The following DGKQ variants were observed in gnomAD, a reference collection of about 807,000 sequenced individuals.
DGKQ encodes DAG kinase theta.
A neutral mutation model predicts 104.2 loss-of-function variants in DGKQ; 97 were observed. The ratio of observed to expected loss-of-function variants is 0.93; its 90% CI spans 0.79 to 1.10. DGKQ has a LOEUF of 1.10. Among genes scored for constraint, DGKQ ranks in the 50% least tolerant of loss-of-function variants. The pLI is 0.00. For missense variants in DGKQ, 1,465 were observed against 1,352.1 expected, an observed-to-expected ratio of 1.08 and a Z score of -1.31; for synonymous variants, 736 against 595.2, an observed-to-expected ratio of 1.24 and a Z score of -3.44.
chr4:966,305 C>A, intron 12 of DGKQ, 161 bp downstream of exon 12: 1 of 883,622 alleles, frequency 1.1e-6, no homozygotes, highest in South Asian at 1.7e-5. Flanking sequence ...GGCCTCCCTG[C>A]AGGGACCAAG....
At chr4:964,784 G>A (rs1013644324) in intron 15 of DGKQ, among the ~76,000 whole-genome samples, 19 of 152,168 alleles carry the variant, frequency 1.2e-4, no homozygotes, top group Admixed American at 2.6e-4. Context: ...TCACAAACAC[G>A]CTCTGGCCCT....
rs143904192 is a variant in DGKQ, at chr4:965,980, G to A, written c.1527C>T (p.Gly509=). ...GGCTGCTGTACTCCTCGGGAGACAG[G>A]CCGGGAGGCAGGCCGCCAACAAACA... ...VSLFVGGLPP[G]LSPEEYSSLL... The change falls in exon 13 of 23, where the codon GGC becomes GGT. Residue 509 remains glycine, a synonymous_variant. Transcript: ENST00000273814. The A allele has an allele frequency of 1.6e-5, 26 of 1,605,556 alleles. No homozygotes were observed. The highest frequency in any genetic ancestry group is 2.0e-5 in the Non-Finnish European group (23 of 1,176,908).
At chr4:966,266 C>T (rs1408854072) in intron 12 of DGKQ, 188 bp from the exon 13 acceptor site, 9 of 833,284 alleles carry the variant, frequency 1.1e-5, no homozygotes, top group Non-Finnish European at 1.3e-5. Context: ...CCGTTCCCCT[C>T]GAGGACCTCG....
Position 968,356 on chromosome 4 carries a change from AGCGCGCTCCCGAGGGCAGGTTCCCCTCCC to A in DGKQ, c.560_588del (p.Arg187LeufsTer12), listed in dbSNP as rs1354500252. 4 of 1,476,096 alleles carry A rather than the reference AGCGCGCTCCCGAGGGCAGGTTCCCCTCCC, an allele frequency of 2.7e-6. No homozygotes were observed. Among genetic ancestry groups the A allele is most frequent in the Non-Finnish European group, 2.7e-6 (3 of 1,111,818 alleles). The allele number at this position is 1,476,096 out of a possible 1,614,324, so 91.4% of individuals were successfully genotyped here. ...CCGCACGTCTTCCTGCAGACCTCGC[AGCGCGCTCCCGAGGGCAGGTTCCCCTCCC>A]GCCAGTGGTGGTGATGGGTGTCCTG... On this transcript the variant is annotated frameshift_variant, in exon 5 of 23. Coordinates refer to ENST00000273814, the MANE Select transcript of DGKQ (RefSeq NM_001347.4). LOFTEE classifies it high-confidence loss of function.
In DGKQ at chr4:961,084, G is replaced by A. The variant is rs759964942; in HGVS notation, c.2692C>T (p.Pro898Ser). The A allele has an allele frequency of 4.3e-6, 7 of 1,612,196 alleles. No individual in the cohort carries two copies. Among genetic ancestry groups the A allele is most frequent in the Non-Finnish European group, 5.1e-6 (6 of 1,179,660 alleles). The change falls in exon 22 of 23, where the codon CCG becomes TCG. Residue 898 changes from proline to serine, a missense_variant. Transcript: ENST00000273814. ...QVDGEPWVQAPGHMIISAAGP... is the reference protein window; with the variant it reads ...QVDGEPWVQASGHMIISAAGP... ...GCAGCTGAGATGATCATGTGCCCCG[G>A]GGCCTGGACCCAGGGCTCCCCGTCC...
At position 973,327 on chromosome 4, in the gene DGKQ, G is replaced by C. The variant is rs1270037667; in HGVS notation, c.156C>G (p.Ala52=). 17 of 1,431,600 alleles carry C rather than the reference G, an allele frequency of 1.2e-5. No homozygotes were observed. The highest frequency in any genetic ancestry group is 1.5e-5 in the Non-Finnish European group (16 of 1,085,766). 88.7% of individuals were successfully genotyped at this position (1,431,600 alleles called of 1,614,324 possible). The change falls in exon 1 of 23, where the codon GCC becomes GCG. Residue 52 remains alanine, a synonymous_variant. Coordinates refer to ENST00000273814, the MANE Select transcript of DGKQ (RefSeq NM_001347.4). ...GPGPERAGVR[A]PGPAAAPGHS... The stretch of plus-strand genomic sequence containing the variant: ...GTCCCGGCGCGGCAGCGGGGCCCGG[G>C]GCTCTGACGCCCGCCCGCTCGGGTC...
chr4:973,190 G>T, intron 1 of DGKQ, 22 bp downstream of exon 1: 1 of 1,529,360 alleles, frequency 6.5e-7, no homozygotes, highest in Non-Finnish European at 8.8e-7. Context: ...CAGCCGGGTA[G>T]GCATCGGGCC....
At chr4:970,865 A>G (rs1380690055) in intron 2 of DGKQ, 128 bp downstream of exon 2, 1 of 666,042 alleles carries the variant, frequency 1.5e-6, no homozygotes, top group Admixed American at 2.3e-5. Context: ...CCCGAGCAGT[A>G]TCTGCCCTTT....
rs1712956187 is a variant in DGKQ at position 971,839 on chromosome 4, C to G, written c.272-767G>C. ...AAGACAGCCCCGGGTGAAGGTTGTG[C>G]CACGGAGCCCCAGGCAGTCCAGCTG... On this transcript the variant is annotated intron_variant, in intron 1 of 22. Transcript: ENST00000273814. The surrounding 1 kb of genome is among the most constrained non-coding windows in gnomAD (Gnocchi z 4.0). Among the ~76,000 whole-genome samples, 1 of 152,116 alleles carries G rather than the reference C, an allele frequency of 6.6e-6. No homozygotes were observed.
In DGKQ at chr4:968,461, TG is replaced by T; in HGVS notation, c.537+17del. The T allele has an allele frequency of 6.3e-7, 1 of 1,599,328 alleles. No individual in the cohort carries two copies. On this transcript the variant is annotated intron_variant, in intron 4 of 22. Coordinates refer to ENST00000273814, the MANE Select transcript of DGKQ (RefSeq NM_001347.4). ...GCCCGCCCCACCCCCCAGGGCTCCC[TG>T]GGGCCGGTACACTCACGTGATCCTG... is the stretch of plus-strand genomic sequence containing the variant.
In DGKQ at chr4:967,587, C is replaced by T. The variant is rs149805008; in HGVS notation, c.949G>A (p.Val317Ile). Residue 317 changes from valine to isoleucine, a missense_variant, in exon 8 of 23, where the codon GTC (valine) becomes ATC (isoleucine). Physicochemically the swap from Val to Ile is conservative, Grantham distance 29 (BLOSUM62 3). Coordinates refer to ENST00000273814, the MANE Select transcript of DGKQ (RefSeq NM_001347.4). ...GCACCGGCCAGGCGGGACACCGTGA[C>T]GAGGCGGAACTGGCTTCTTCTCACC... ...DAVRRSQFRL[V>I]TVSRLAGAEE... 1.7e-5 allele frequency: 27 copies of T among 1,612,682 alleles called. No individual in the cohort carries two copies. The highest frequency in any genetic ancestry group is 6.7e-5 in the East Asian group (3 of 44,854).
chr4:967,683 C>T (rs1344125440), intron 7 of DGKQ, 34 bp from the exon 8 acceptor site: 16 of 1,612,204 alleles, frequency 9.9e-6, no homozygotes, highest in Non-Finnish European at 1.2e-5. Flanking sequence ...TCCCGGGCGC[C>T]CGGGGGACCT....
chr4:969,059 G>C lies in DGKQ; in HGVS notation c.352-149C>G, dbSNP rs1175548178. On this transcript the variant is annotated intron_variant, in intron 2 of 22. Coordinates refer to ENST00000273814, the MANE Select transcript of DGKQ (RefSeq NM_001347.4). ...CAGCTGTGCTAGCTGGAGGCCCCAG[G>C]AACAACCACACCCCCAGGTCCTGGG... is the stretch of plus-strand genomic sequence containing the variant. 6 of 544,094 alleles carry C rather than the reference G, an allele frequency of 1.1e-5. No individual in the cohort carries two copies. In the East Asian group the frequency reaches 2.0e-4, roughly 18 times the overall value. 33.7% of individuals were successfully genotyped at this position (544,094 alleles called of 1,614,324 possible).
chr4:962,688 G>A, intron 17 of DGKQ, 75 bp from the exon 18 acceptor site: 1 of 1,589,928 alleles, frequency 6.3e-7, no homozygotes, highest in Admixed American at 1.7e-5. Flanking sequence ...CCACCACGAG[G>A]ACAGCCAGCC....
rs142726157 is a variant in DGKQ at position 966,825 on chromosome 4, C to T, written c.1312-23G>A. ...GGCCTGTTGGGGTAGAGCTTGGCAT[C>T]GGGTCTGGGCAGGCCCCCACCACCT... On this transcript the variant is annotated intron_variant, in intron 10 of 22. Coordinates refer to ENST00000273814, the MANE Select transcript of DGKQ (RefSeq NM_001347.4). 8.2e-4 allele frequency: 1,312 copies of T among 1,602,802 alleles called. 13 individuals are homozygous for T. In the African/African-American group the frequency reaches 0.014, roughly 18 times the overall value.
chr4:969,254 C>G (rs3755958), intron 2 of DGKQ, among the ~76,000 whole-genome samples: 1 of 152,128 alleles, frequency 6.6e-6, no homozygotes, highest in African/African-American at 2.4e-5. Flanking sequence ...CCCTGCCTAG[C>G]GCAGGGGAGC....
chr4:966,103 TG>T, intron 12 of DGKQ, 25 bp from the exon 13 acceptor site: 1 of 1,577,328 alleles, frequency 6.3e-7, no homozygotes, highest in Admixed American at 1.8e-5. Context: ...GCGGGGATGC[TG>T]GGCCGGGGAG....
In DGKQ at chr4:967,009, C is replaced by CA; in HGVS notation, c.1265_1266insT (p.Ala423GlyfsTer99). ...GGACCTCCAGCACCACAGAGCGGGC[C>CA]GTGCTCTTCGGGGTCACTCGCACGG... is the stretch of plus-strand genomic sequence containing the variant. On this transcript the variant is annotated frameshift_variant, in exon 10 of 23. Transcript: ENST00000273814. LOFTEE classifies it high-confidence loss of function. 6.4e-7 allele frequency: 1 copy of CA among 1,564,936 alleles called. No homozygotes were observed. The highest frequency in any genetic ancestry group is 8.6e-7 in the Non-Finnish European group (1 of 1,157,104).
In DGKQ at chr4:968,539, G is replaced by A; in HGVS notation, c.477C>T (p.Asp159=). The change falls in exon 4 of 23, where the codon GAC becomes GAT. Residue 159 remains aspartate, a synonymous_variant. Transcript: ENST00000273814. ...AGTCACTGCAGGCGAAGGGCACACA[G>A]TCTGGGTGGAGGTGCAGCTCACACA... is the stretch of plus-strand genomic sequence containing the variant. ...CEVCELHLHP[D]CVPFACSDCR... 6.2e-7 allele frequency: 1 copy of A among 1,609,626 alleles called. No individual in the cohort carries two copies. Among genetic ancestry groups the A allele is most frequent in the Non-Finnish European group, 8.5e-7 (1 of 1,178,608 alleles).
Sources: gnomAD v4.1 joint callset for allele counts (sites outside exome capture counted in the v4.1 genomes callset) on GRCh38, gnomAD v4.1.1 for gene constraint, Gnocchi (gnomAD v3.1) non-coding constraint, MANE v1.5 for transcripts, NCBI Gene and HGNC (gene_info 2026-07-23, HGNC 2026-07-21) for gene names.